Variants in RNASEH2B observed in about 807,000 individuals in gnomAD.
The protein encoded by RNASEH2B is Aicardi-Goutieres syndrome 2 protein.
In RNASEH2B, 36 loss-of-function variants were observed where a neutral mutation model predicts 45.0. The observed-to-expected ratio is 0.80, with a 90% CI of 0.61 to 1.06. RNASEH2B has a LOEUF of 1.06. RNASEH2B is among the 50% of genes least tolerant of loss of function. RNASEH2B has a pLI of 0.00. For missense variants in RNASEH2B, 361 were observed against 360.3 expected (o/e 1.00, Z -0.02); for synonymous variants, 119 against 125.7 (o/e 0.95, Z 0.35).
chr13:50,946,328 T>C (rs768201854), intron 7 of RNASEH2B, among the ~76,000 whole-genome samples: 2 of 152,224 alleles, frequency 1.3e-5, no homozygotes, highest in Non-Finnish European at 2.9e-5. Context: ...GCTTTAGTCA[T>C]TACATAAATA....
Position 50,927,406 on chromosome 13 carries a change from G to T in RNASEH2B, c.65-1G>T. Reference sequence around the variant, plus strand: ...TTTAGATATTCACGGTTTATTTTCAGAATATTTAAAAGATGCTTCAAAGAA... The same window carrying T: ...TTTAGATATTCACGGTTTATTTTCATAATATTTAAAAGATGCTTCAAAGAA... On this transcript the variant is annotated splice_acceptor_variant, in intron 1 of 10. Transcript: ENST00000336617. LOFTEE classifies it high-confidence loss of function. 1 of 1,559,190 alleles carries T rather than the reference G, an allele frequency of 6.4e-7. No homozygotes were observed. Among genetic ancestry groups the T allele is most frequent in the South Asian group, 1.1e-5 (1 of 89,948 alleles).
chr13:50,958,476 T>G (rs1373919843), downstream of RNASEH2B, among the ~76,000 whole-genome samples: 2 of 152,160 alleles, frequency 1.3e-5, no homozygotes, highest in African/African-American at 4.8e-5. Context: ...CAGTACTATA[T>G]TGTCTTGATT....
intron 1 of RNASEH2B, chr13:50,912,315 C>T (rs1462139998): frequency 6.6e-6 from 1 of 152,306 alleles, no homozygotes; most frequent in East Asian, 1.9e-4. Context: ...GGCCTCAGTT[C>T]CCAGAGGTGC....
chr13:50,934,899 C>T lies in RNASEH2B; in HGVS notation c.336C>T (p.Pro112=). The T allele has an allele frequency of 6.2e-7, 1 of 1,612,632 alleles. No individual in the cohort carries two copies. Among genetic ancestry groups the T allele is most frequent in the Non-Finnish European group, 8.5e-7 (1 of 1,178,876 alleles). The change falls in exon 5 of 11, where the codon CCC becomes CCT. Residue 112 remains proline (P), a synonymous_variant. Transcript: ENST00000336617. ...TGTTTTTTCAGGGGAAGTTTCAGCC[C>T]CTTGATCAAGTTGTGGTGGATAACG... ...IKADKEGKFQ[P]LDQVVVDNVF...
intron 1 of RNASEH2B, chr13:50,921,390 C>T (rs1951522953): frequency 6.6e-6 from 1 of 152,118 alleles, no homozygotes; most frequent in African/African-American, 2.4e-5. Flanking sequence ...AATTCTTTCC[C>T]ATTGCTGTAA....
chr13:50,946,495 A>ATTGGCTTT (rs1172513050), intron 7 of RNASEH2B, among the ~76,000 whole-genome samples: 1 of 152,160 alleles, frequency 6.6e-6, no homozygotes, highest in African/African-American at 2.4e-5. Flanking sequence ...AGTGTCTTTA[A>ATTGGCTTT]TTGGCTTTAA....
At chr13:50,962,884 A>C (rs757844068) in intron 9 of RNASEH2B, among the ~76,000 whole-genome samples, 3 of 151,978 alleles carry the variant, frequency 2.0e-5, no homozygotes, top group African/African-American at 4.8e-5. Context: ...AAATATGGAA[A>C]ATTTCTGGCC....
At chr13:50,919,726 T>TA (rs1951492513) in intron 1 of RNASEH2B, among the ~76,000 whole-genome samples, 1 of 152,226 alleles carries the variant, frequency 6.6e-6, no homozygotes, top group African/African-American at 2.4e-5. Context: ...TGGCTCTGGA[T>TA]AATAGTTGAC....
chr13:50,946,560 T>C (rs934010829), intron 7 of RNASEH2B, among the ~76,000 whole-genome samples: 1 of 152,140 alleles, frequency 6.6e-6, no homozygotes, highest in Non-Finnish European at 1.5e-5. Context: ...GGTGGGTGGA[T>C]AGATGCATCC....
rs900791137 is a variant in RNASEH2B, at chr13:50,956,276, A to T, written c.823-82A>T. 5.2e-6 allele frequency: 6 copies of T among 1,146,476 alleles called. No homozygotes were observed. In the South Asian group the frequency reaches 5.5e-5, roughly 10 times the overall value. The allele number at this position is 1,146,476 out of a possible 1,614,324, so 71.0% of individuals were successfully genotyped here. ...CTTACCTTCCTTAATGAAACTTGAG[A>T]CATGCAGTCTTCTTTGATTTCCATA... On this transcript the variant is annotated intron_variant, in intron 10 of 10. Coordinates refer to ENST00000336617, the MANE Select transcript of RNASEH2B (RefSeq NM_024570.4).
intron 1 of RNASEH2B, among the ~76,000 whole-genome samples, chr13:50,923,093 A>G (rs570461501): frequency 3.9e-5 from 6 of 152,230 alleles, no homozygotes; most frequent in East Asian, 1.9e-4. Flanking sequence ...GAATTAGAAA[A>G]CTCAAAGACA....
Position 50,949,536 on chromosome 13 carries a change from G to C in RNASEH2B, c.741+31G>C, listed in dbSNP as rs200081827. 6 of 1,597,662 alleles carry C rather than the reference G, an allele frequency of 3.8e-6. No individual in the cohort carries two copies. In the African/African-American group the frequency reaches 5.4e-5, roughly 14 times the overall value. On this transcript the variant is annotated intron_variant, in intron 9 of 10. Coordinates refer to ENST00000336617, the MANE Select transcript of RNASEH2B (RefSeq NM_024570.4). Reference sequence around the variant, plus strand: ...AAGCTGTGACTAAGATATCTTTGGGGGACTTAGAAAAATATTACACTCTTA... The same window carrying C: ...AAGCTGTGACTAAGATATCTTTGGGCGACTTAGAAAAATATTACACTCTTA...
intron 7 of RNASEH2B, among the ~76,000 whole-genome samples, chr13:50,947,291 T>G (rs1951911623): frequency 6.6e-6 from 1 of 152,112 alleles, no homozygotes; most frequent in Non-Finnish European, 1.5e-5. Context: ...CTGCCAGAGC[T>G]GCATTTTAGT....
chr13:50,967,226 G>C (rs954769824), intron 9 of RNASEH2B, among the ~76,000 whole-genome samples: 2 of 152,310 alleles, frequency 1.3e-5, no homozygotes, highest in East Asian at 3.9e-4. Context: ...AAACTCTTTA[G>C]ATGAACCAGC....
At chr13:50,937,745 G>A (rs914765283) in intron 5 of RNASEH2B, 2 of 152,110 alleles carry the variant, frequency 1.3e-5, no homozygotes, top group Non-Finnish European at 1.5e-5. Flanking sequence ...AAAGGTATTT[G>A]ATAAAATTCA....
At chr13:50,945,625 C>T (rs1157638491) in intron 7 of RNASEH2B, 93 bp downstream of exon 7, 1 of 822,818 alleles carries the variant, frequency 1.2e-6, no homozygotes, top group Non-Finnish European at 2.1e-6. Flanking sequence ...CTTAATATCA[C>T]AGAAGCCTCA....
chr13:50,933,056 G>A lies in RNASEH2B; in HGVS notation c.322-1829G>A, dbSNP rs117693165. Among the ~76,000 whole-genome samples the A allele has an allele frequency of 8.2e-3, 1,243 of 152,290 alleles. 12 individuals are homozygous for A. The highest frequency in any genetic ancestry group is 0.012 in the Non-Finnish European group (816 of 68,034). On this transcript the variant is annotated intron_variant, in intron 4 of 10. Coordinates refer to ENST00000336617, the MANE Select transcript of RNASEH2B (RefSeq NM_024570.4). Reference sequence around the variant, plus strand: ...ACAAGCTGTGAGGCTGGTAAGCCTCGTGTCTTTAAGGAACAGAAATGGTCC... The same window carrying A: ...ACAAGCTGTGAGGCTGGTAAGCCTCATGTCTTTAAGGAACAGAAATGGTCC...
chr13:50,949,589 A>G, intron 9 of RNASEH2B, 84 bp downstream of exon 9: 1 of 1,267,414 alleles, frequency 7.9e-7, no homozygotes, highest in African/African-American at 1.5e-5. Flanking sequence ...GTTCTAATAT[A>G]TTTTAAGGTG....
At chr13:50,927,371 G>A in intron 1 of RNASEH2B, 36 bp from the exon 2 acceptor site, 1 of 1,230,036 alleles carries the variant, frequency 8.1e-7, no homozygotes, top group African/African-American at 1.5e-5. Context: ...AAACAGCTGT[G>A]TGTTTTAATT....
Sources: allele counts gnomAD v4.1 joint callset (sites outside exome capture counted in the v4.1 genomes callset), GRCh38; gene constraint gnomAD v4.1.1; transcripts MANE v1.5; gene names NCBI Gene and HGNC (gene_info 2026-07-23, HGNC 2026-07-21).